HTR1E: variants seen among roughly 807,000 people sequenced by gnomAD.
HTR1E encodes the protein 5-HT-1E.
HTR1E carries 3 observed loss-of-function variants against 3.4 expected under a neutral mutation model. The observed-to-expected ratio is 0.89, with a 90% CI of 0.41 to 2.31. The LOEUF is 2.31. Ranked by LOEUF, HTR1E falls within the 30% of genes most tolerant of loss-of-function variation. The pLI, the probability that HTR1E is intolerant of heterozygous loss-of-function variation, is 0.05. For missense variants in HTR1E, 392 were observed against 467.0 expected (o/e 0.84, Z 1.48); for synonymous variants, 170 against 182.8 (o/e 0.93, Z 0.56).
intron 1 of HTR1E, among the ~76,000 whole-genome samples, chr6:86,960,566 G>A (rs1442753407): frequency 1.3e-5 from 2 of 152,148 alleles, no homozygotes; most frequent in Non-Finnish European, 2.9e-5. Context: ...CTGTTATCCC[G>A]GTTGTTCAAT....
chr6:86,949,651 C>T (rs1446295702), intron 1 of HTR1E, among the ~76,000 whole-genome samples: 1 of 151,952 alleles, frequency 6.6e-6, no homozygotes, highest in Non-Finnish European at 1.5e-5. Flanking sequence ...TAACCAGATG[C>T]TACTGTAGGA....
At chr6:86,988,565 A>C (rs1767828338) in intron 1 of HTR1E, among the ~76,000 whole-genome samples, 1 of 152,146 alleles carries the variant, frequency 6.6e-6, no homozygotes, top group Non-Finnish European at 1.5e-5. Context: ...TTACCTTAGA[A>C]AACCTAAATC....
rs993635704 is a variant in HTR1E, at chr6:86,989,775, C to CT, written c.-185-25370dup. 5.3e-5 allele frequency among the ~76,000 whole-genome samples: 8 copies of CT among 152,114 alleles called. 1 individual carries two copies. Among genetic ancestry groups the CT allele is most frequent in the African/African-American group, 1.9e-4 (8 of 41,414 alleles). The stretch of plus-strand genomic sequence containing the variant: ...AACAGAGACCTGAAGCAAGGAGTGT[C>CT]TTTTTCAGAGTCACACAACCAATCA... On this transcript the variant is annotated intron_variant, in intron 1 of 1. Coordinates refer to ENST00000305344, the MANE Select transcript of HTR1E (RefSeq NM_000865.3).
chr6:86,940,107 G>C (rs1322922729), intron 1 of HTR1E, among the ~76,000 whole-genome samples: 3 of 152,074 alleles, frequency 2.0e-5, no homozygotes, highest in Non-Finnish European at 4.4e-5. Flanking sequence ...CTGCGTGATG[G>C]GGTTATTATT....
intron 1 of HTR1E, among the ~76,000 whole-genome samples, chr6:86,972,086 A>G (rs1767565865): frequency 6.6e-6 from 1 of 152,214 alleles, no homozygotes; most frequent in African/African-American, 2.4e-5. Context: ...TTATTTTGCA[A>G]TAATTAAAAG....
At chr6:86,973,372 G>A (rs1767588811) in intron 1 of HTR1E, among the ~76,000 whole-genome samples, 2 of 151,794 alleles carry the variant, frequency 1.3e-5, no homozygotes, top group Admixed American at 6.6e-5. Context: ...GGGAAATTCA[G>A]TAAGTCTGAG....
chr6:86,982,194 G>A (rs1362022558), intron 1 of HTR1E, among the ~76,000 whole-genome samples: 1 of 152,096 alleles, frequency 6.6e-6, no homozygotes, highest in Non-Finnish European at 1.5e-5. Flanking sequence ...ATATTTTCCT[G>A]TAGGCATCTA....
chr6:86,952,498 GAC>G (rs149359215), intron 1 of HTR1E, among the ~76,000 whole-genome samples: 6,888 of 146,664 alleles, frequency 0.047, 195 homozygotes, highest in African/African-American at 0.065. Context: ...CACACACACA[GAC>G]ACACACACAC....
At chr6:87,006,194 A>G (rs1408023355) in intron 1 of HTR1E, among the ~76,000 whole-genome samples, 1 of 152,214 alleles carries the variant, frequency 6.6e-6, no homozygotes, top group Non-Finnish European at 1.5e-5. Flanking sequence ...AACTGAAAAT[A>G]GAACTATTAT....
In HTR1E at chr6:87,015,935, C is replaced by T. The variant is rs1034977384; in HGVS notation, c.601C>T (p.Leu201Phe). The change falls in exon 2 of 2, where the codon CTC becomes TTC. Residue 201 changes from leucine (L) to phenylalanine (F), a missense_variant. This residue lies in a region of HTR1E where 178 missense variants were observed against 164.9 expected (regional missense o/e 1.08). Coordinates refer to ENST00000305344, the MANE Select transcript of HTR1E (RefSeq NM_000865.3). ...FYIPLTLILILYYRIYHAAKS... is the reference protein window; with the variant it reads ...FYIPLTLILIFYYRIYHAAKS... ...TATCCCCTTGACTTTGATACTGATT[C>T]TCTATTACCGGATTTACCACGCGGC... 1 of 1,613,928 alleles carries T rather than the reference C, an allele frequency of 6.2e-7. No homozygotes were observed. The highest frequency in any genetic ancestry group is 1.3e-5 in the African/African-American group (1 of 75,022).
intron 1 of HTR1E, among the ~76,000 whole-genome samples, chr6:86,990,902 GA>G (rs1255059599): frequency 2.0e-5 from 3 of 152,082 alleles, no homozygotes; most frequent in Non-Finnish European, 4.4e-5. Context: ...ATAGAGCAGG[GA>G]AAGGGAAAAA....
intron 1 of HTR1E, among the ~76,000 whole-genome samples, chr6:87,006,293 A>C (rs570013287): frequency 4.6e-5 from 7 of 152,240 alleles, no homozygotes; most frequent in Non-Finnish European, 5.9e-5. Flanking sequence ...TGTTTATTGC[A>C]GCACAATTAT....
At chr6:86,982,487 C>G (rs759039803) in intron 1 of HTR1E, among the ~76,000 whole-genome samples, 5 of 152,138 alleles carry the variant, frequency 3.3e-5, no homozygotes, top group Non-Finnish European at 7.4e-5. Context: ...CAGAAGAATG[C>G]CTGAGGAGGA....
At chr6:87,013,456 A>C (rs906938943) in intron 1 of HTR1E, among the ~76,000 whole-genome samples, 2 of 152,002 alleles carry the variant, frequency 1.3e-5, no homozygotes, top group African/African-American at 4.8e-5. Flanking sequence ...TCCTCCATCA[A>C]CTCCTCATAG....
chr6:86,968,696 T>A (rs1301000057), intron 1 of HTR1E, among the ~76,000 whole-genome samples: 1 of 152,144 alleles, frequency 6.6e-6, no homozygotes, highest in African/African-American at 2.4e-5. Context: ...CCTTTAATAT[T>A]GATGAAATTA....
chr6:86,939,458 C>A (rs1768516436), intron 1 of HTR1E, among the ~76,000 whole-genome samples: 1 of 152,232 alleles, frequency 6.6e-6, no homozygotes, highest in Non-Finnish European at 1.5e-5. Flanking sequence ...GTGTCATCAT[C>A]ACCTGACATG....
intron 1 of HTR1E, among the ~76,000 whole-genome samples, chr6:86,969,497 G>A (rs1287325139): frequency 6.6e-6 from 1 of 152,110 alleles, no homozygotes; most frequent in Non-Finnish European, 1.5e-5. Context: ...TCAGGTTTCA[G>A]CTTGAACATT....
Position 86,978,449 on chromosome 6 carries a change from A to G in HTR1E, c.-185-36701A>G, listed in dbSNP as rs543587398. Among the ~76,000 whole-genome samples the G allele has an allele frequency of 3.9e-5, 6 of 152,334 alleles. No individual in the cohort carries two copies. In the East Asian group the frequency reaches 1.2e-3, roughly 29 times the overall value. On this transcript the variant is annotated intron_variant, in intron 1 of 1. Transcript: ENST00000305344. ...CTCCTGGTAGGTGACTTGTAACCAT[A>G]GGAGAACCAGTCTGAATTCCAGGCT...
At chr6:86,979,770 TGGGATTAAGGGAAGCCACA>T (rs1002292444) in intron 1 of HTR1E, among the ~76,000 whole-genome samples, 1 of 152,014 alleles carries the variant, frequency 6.6e-6, no homozygotes, top group African/African-American at 2.4e-5. Context: ...GAGTAAAAGA[TGGGATTAAGGGAAGCCACA>T]GGGATGGTGA....
Sources: gnomAD v4.1 joint callset for allele counts (sites outside exome capture counted in the v4.1 genomes callset) on GRCh38, gnomAD v4.1.1 for gene constraint, gnomAD v4.1.1 regional missense constraint, MANE v1.5 for transcripts, NCBI Gene and HGNC (gene_info 2026-07-23, HGNC 2026-07-21) for gene names.